MACROD2: variants seen among roughly 807,000 people sequenced by gnomAD.
The protein encoded by MACROD2 is ADP-ribose glycohydrolase MACROD2.
In MACROD2, 36 loss-of-function variants were observed where a neutral mutation model predicts 70.4. The ratio of observed to expected loss-of-function variants is 0.51; its 90% CI spans 0.39 to 0.68. The LOEUF is 0.68. MACROD2 is among the 30% of genes least tolerant of loss of function. The pLI is 0.00. For missense variants in MACROD2, 496 were observed against 538.4 expected (o/e 0.92, Z 0.78); for synonymous variants, 172 against 178.8 (o/e 0.96, Z 0.30).
At chr20:15,858,282 A>G (rs1275939221) in intron 8 of MACROD2, among the ~76,000 whole-genome samples, 1 of 104,502 alleles carries the variant, frequency 9.6e-6, no homozygotes, top group African/African-American at 2.8e-5. Flanking sequence ...ACTGCCTAAC[A>G]TTTAAAAAAA....
chr20:14,730,265 T>C (rs1215080525), intron 5 of MACROD2, among the ~76,000 whole-genome samples: 2 of 152,082 alleles, frequency 1.3e-5, no homozygotes, highest in Non-Finnish European at 2.9e-5. Context: ...GACATAAATC[T>C]TTAGTTTCAG....
At chr20:15,118,094 G>A (rs2076004024) in intron 5 of MACROD2, among the ~76,000 whole-genome samples, 1 of 151,974 alleles carries the variant, frequency 6.6e-6, no homozygotes, top group Admixed American at 6.6e-5. Flanking sequence ...CTAGTGTAAG[G>A]TCTAGCTACC....
chr20:15,379,389 T>C (rs2045609844), intron 6 of MACROD2, among the ~76,000 whole-genome samples: 1 of 152,158 alleles, frequency 6.6e-6, no homozygotes, highest in Admixed American at 6.6e-5. Context: ...GACCTAATAT[T>C]TGCCACTCTC....
chr20:14,799,779 G>A (rs6079567), intron 5 of MACROD2, among the ~76,000 whole-genome samples: 130,904 of 151,890 alleles, frequency 0.86, 56,903 homozygotes, highest in African/African-American at 0.92. Flanking sequence ...TTGCTGGGTT[G>A]GAATCTCACT....
chr20:14,669,757 G>A (rs781575790), intron 4 of MACROD2, among the ~76,000 whole-genome samples: 2 of 151,972 alleles, frequency 1.3e-5, no homozygotes, highest in Non-Finnish European at 2.9e-5. Flanking sequence ...TTCTTGGAAA[G>A]AGAAAGGTCT....
chr20:14,829,497 T>C (rs982768287), intron 5 of MACROD2, among the ~76,000 whole-genome samples: 12 of 152,048 alleles, frequency 7.9e-5, no homozygotes, highest in African/African-American at 2.9e-4. Context: ...TTCAGGCAGC[T>C]CAACACTACT....
intron 10 of MACROD2, among the ~76,000 whole-genome samples, chr20:15,886,081 C>G (rs2064818690): frequency 6.6e-6 from 1 of 152,052 alleles, no homozygotes; most frequent in South Asian, 2.1e-4. Flanking sequence ...ACGAATCACC[C>G]CCAAAACTTA....
Position 15,841,337 on chromosome 20 carries a change from C to T in MACROD2, c.646-21408C>T, listed in dbSNP as rs536410780. On this transcript the variant is annotated intron_variant, in intron 8 of 17. Coordinates refer to ENST00000684519, the MANE Select transcript of MACROD2 (RefSeq NM_001351661.2). ...GGGGTGTATTAGTCCATTCTCACAT[C>T]GCCATAAAGAAATACCTGAGACTGG... is the stretch of plus-strand genomic sequence containing the variant. 2.6e-4 allele frequency among the ~76,000 whole-genome samples: 40 copies of T among 152,024 alleles called. 1 individual carries two copies. The highest frequency in any genetic ancestry group is 3.8e-4 in the Non-Finnish European group (26 of 67,998).
chr20:14,394,832 A>G (rs2083564831), intron 3 of MACROD2, among the ~76,000 whole-genome samples: 1 of 152,188 alleles, frequency 6.6e-6, no homozygotes, highest in Admixed American at 6.5e-5. Context: ...AAATGCTTTT[A>G]TGCATCTATT....
rs546150321 is a variant in MACROD2, at chr20:14,294,008, C to G, written c.272-199471C>G. Among the ~76,000 whole-genome samples the G allele has an allele frequency of 2.4e-4, 36 of 151,702 alleles. No individual in the cohort carries two copies. In the South Asian group the frequency reaches 6.2e-3, roughly 26 times the overall value. Reference sequence around the variant, plus strand: ...GTGAATCATTTGTTATGCCCAAGTCCCAAATCGGGACACATCACTAGAAAG... The same window carrying G: ...GTGAATCATTTGTTATGCCCAAGTCGCAAATCGGGACACATCACTAGAAAG... On this transcript the variant is annotated intron_variant, in intron 3 of 17. Transcript: ENST00000684519.
chr20:14,781,512 C>CA (rs11479014), intron 5 of MACROD2, among the ~76,000 whole-genome samples: 1 of 147,248 alleles, frequency 6.8e-6, no homozygotes, highest in East Asian at 2.0e-4. Context: ...CACAGAGTTG[C>CA]AAAAAAATCT....
At chr20:14,820,580 A>G (rs1373984520) in intron 5 of MACROD2, among the ~76,000 whole-genome samples, 1 of 151,850 alleles carries the variant, frequency 6.6e-6, no homozygotes, top group East Asian at 1.9e-4. Flanking sequence ...CAATATCTTA[A>G]CTTAGCTTCT....
rs111281954 is a variant in MACROD2 at position 15,211,629 on chromosome 20, C to G, written c.419-18311C>G. 4.1e-3 allele frequency among the ~76,000 whole-genome samples: 623 copies of G among 152,122 alleles called. 2 individuals carry two copies. The highest frequency in any genetic ancestry group is 7.3e-3 in the Non-Finnish European group (499 of 68,002). On this transcript the variant is annotated intron_variant, in intron 5 of 17. Coordinates refer to ENST00000684519, the MANE Select transcript of MACROD2 (RefSeq NM_001351661.2). ...TCTTGCTCTGTCTCTCGTCTCTTAC[C>G]ATGTGGCATACTAGCTCCCCTTTGC...
rs553132147 is a variant in MACROD2, at chr20:15,813,776, C to T, written c.646-48969C>T. 4.6e-5 allele frequency among the ~76,000 whole-genome samples: 7 copies of T among 152,162 alleles called. No individual in the cohort carries two copies. In the South Asian group the frequency reaches 8.3e-4, roughly 18 times the overall value. On this transcript the variant is annotated intron_variant, in intron 8 of 17. Coordinates refer to ENST00000684519, the MANE Select transcript of MACROD2 (RefSeq NM_001351661.2). ...CCTGGGAGACAGAGGGAGAGATCCC[C>T]GTCTCAAAACAACAACAACACAATA...
At chr20:16,004,635 G>T (rs186720163) in intron 15 of MACROD2, among the ~76,000 whole-genome samples, 1 of 152,166 alleles carries the variant, frequency 6.6e-6, no homozygotes, top group Non-Finnish European at 1.5e-5. Flanking sequence ...CCTTTATCTC[G>T]GCTGTTTGCT....
At chr20:15,446,199 A>T (rs1402087846) in intron 7 of MACROD2, among the ~76,000 whole-genome samples, 1 of 152,122 alleles carries the variant, frequency 6.6e-6, no homozygotes, top group East Asian at 1.9e-4. Context: ...CCCCACCTTC[A>T]GCCATTGGGT....
chr20:15,520,301 G>A lies in MACROD2; in HGVS notation c.645+20454G>A, dbSNP rs182356496. Among the ~76,000 whole-genome samples the A allele has an allele frequency of 9.2e-4, 140 of 152,290 alleles. 1 individual carries two copies. The highest frequency in any genetic ancestry group is 1.9e-3 in the Admixed American group (29 of 15,288). On this transcript the variant is annotated intron_variant, in intron 8 of 17. Transcript: ENST00000684519. ...GGAGAAGAACCTGTCTTATAATTTT[G>A]TGAAGTGTCTAGATTGGGGCAAATA...
intron 8 of MACROD2, among the ~76,000 whole-genome samples, chr20:15,808,703 T>A (rs914377645): frequency 6.6e-6 from 1 of 152,188 alleles, no homozygotes; most frequent in Non-Finnish European, 1.5e-5. Context: ...AAATAAAGGA[T>A]CTAGTCTCAA....
intron 8 of MACROD2, among the ~76,000 whole-genome samples, chr20:15,809,859 A>AACT (rs2063801694): frequency 8.9e-6 from 1 of 112,964 alleles, no homozygotes; most frequent in Non-Finnish European, 1.8e-5. Flanking sequence ...TGGCCACCCT[A>AACT]TCTTTTTTTT....
Sources: gnomAD v4.1 joint callset for allele counts (sites outside exome capture counted in the v4.1 genomes callset) on GRCh38, gnomAD v4.1.1 for gene constraint, MANE v1.5 for transcripts, NCBI Gene and HGNC (gene_info 2026-07-23, HGNC 2026-07-21) for gene names.